Variants in TTLL7 observed in about 807,000 individuals in gnomAD.
TTLL7 encodes the protein tubulin tyrosine ligase like 7.
In TTLL7, 53 loss-of-function variants were observed where a neutral mutation model predicts 120.2. That is an observed-to-expected ratio of 0.44 (90% CI 0.35 to 0.55). TTLL7 has a LOEUF of 0.55. TTLL7 is among the 20% of genes least tolerant of loss of function. The pLI, the probability that TTLL7 is intolerant of heterozygous loss-of-function variation, is 0.00. For missense variants in TTLL7, 803 were observed against 1,054.7 expected, an observed-to-expected ratio of 0.76 and a Z score of 3.31; for synonymous variants, 353 against 351.7, an observed-to-expected ratio of 1.00 and a Z score of -0.04.
intron 1 of TTLL7, among the ~76,000 whole-genome samples, chr1:83,982,029 T>G (rs146256443): frequency 5.3e-5 from 8 of 152,160 alleles, no homozygotes; most frequent in Non-Finnish European, 7.4e-5. Flanking sequence ...AGATGCACCA[T>G]ATCACAGCTC....
chr1:83,982,835 T>C (rs1240156599), intron 1 of TTLL7, among the ~76,000 whole-genome samples: 3 of 152,148 alleles, frequency 2.0e-5, no homozygotes, highest in African/African-American at 4.8e-5. Flanking sequence ...AAAAGAGCCC[T>C]GATAGCCCAA....
rs1042354682 is a variant in TTLL7 at position 83,866,050 on chromosome 1, G to C, written c.*3912C>G. 1.3e-5 allele frequency: 2 copies of C among 151,626 alleles called. No individual in the cohort carries two copies. The highest frequency in any genetic ancestry group is 1.3e-4 in the Admixed American group (2 of 15,228). The allele number at this position is 151,626 out of a possible 1,614,324, so 9.4% of individuals were successfully genotyped here. A position where few individuals can be genotyped will look rare whatever the true frequency, so the allele number is the denominator to read the frequency against. On this transcript the variant is annotated 3_prime_UTR_variant, in exon 21 of 21. Coordinates refer to ENST00000260505, the MANE Select transcript of TTLL7 (RefSeq NM_024686.6). ...TTTTCAAAAAATCATCAGGTCACAA[G>C]AACACAATTAATTGTACAGTTATAC...
At chr1:83,915,558 A>T (rs1264770655) in intron 14 of TTLL7, among the ~76,000 whole-genome samples, 51 of 152,136 alleles carry the variant, frequency 3.4e-4, no homozygotes, top group Non-Finnish European at 6.3e-4. Context: ...AACCTAGGCA[A>T]TACCATTCAG....
chr1:83,904,074 C>T lies in TTLL7; in HGVS notation c.2208+5G>A. 1.2e-6 allele frequency: 2 copies of T among 1,610,046 alleles called. No individual in the cohort carries two copies. The highest frequency in any genetic ancestry group is 1.7e-6 in the Non-Finnish European group (2 of 1,177,470). On this transcript the variant is annotated splice_donor_5th_base_variant and intron_variant, in intron 18 of 20. Transcript: ENST00000260505. ...GGGAAAAAACTTGTTTTGAGCATTA[C>T]TCACTTTTCGTTGTTTTACAGAGTC...
intron 1 of TTLL7, among the ~76,000 whole-genome samples, chr1:83,993,602 T>C (rs557225166): frequency 6.6e-6 from 1 of 152,348 alleles, no homozygotes; most frequent in Admixed American, 6.5e-5. Context: ...TGGTTCAATA[T>C]GCCCAGTGGA....
intron 1 of TTLL7, among the ~76,000 whole-genome samples, chr1:83,994,067 A>T (rs571715949): frequency 6.6e-6 from 1 of 152,242 alleles, no homozygotes; most frequent in African/African-American, 2.4e-5. Context: ...ATAGGTTTCA[A>T]CTAAGCACAG....
At chr1:83,966,057 A>G (rs1010382166) in intron 1 of TTLL7, among the ~76,000 whole-genome samples, 1 of 152,196 alleles carries the variant, frequency 6.6e-6, no homozygotes, top group Non-Finnish European at 1.5e-5. Context: ...TTGTTCAAAT[A>G]CCAGTCTGGA....
At position 83,892,327 on chromosome 1, in the gene TTLL7, T is replaced by C. The variant is rs113672647; in HGVS notation, c.2209-1846A>G. Among the ~76,000 whole-genome samples, 27 of 24,352 alleles carry C rather than the reference T, an allele frequency of 1.1e-3. 1 individual carries two copies. The highest frequency in any genetic ancestry group is 3.8e-3 in the African/African-American group (24 of 6,300). 16.0% of individuals were successfully genotyped at this position (24,352 alleles called of 152,430 possible). On this transcript the variant is annotated intron_variant, in intron 18 of 20. Coordinates refer to ENST00000260505, the MANE Select transcript of TTLL7 (RefSeq NM_024686.6). ...ATATACGAATATATATGAATATATA[T>C]GTATATATGAATATATATACGAATA...
chr1:83,924,090 T>C (rs569151428), intron 10 of TTLL7, among the ~76,000 whole-genome samples: 1 of 152,272 alleles, frequency 6.6e-6, no homozygotes, highest in South Asian at 2.1e-4. Flanking sequence ...TAGTACTCTC[T>C]ATTTGTTAAT....
chr1:83,892,928 GAGAA>G (rs1553129435), intron 18 of TTLL7, among the ~76,000 whole-genome samples: 81 of 102,712 alleles, frequency 7.9e-4, no homozygotes, highest in Non-Finnish European at 8.8e-4. Context: ...GAAAGAAAAA[GAGAA>G]AGAAAGAAAG....
intron 1 of TTLL7, among the ~76,000 whole-genome samples, chr1:83,994,804 T>G (rs1653333640): frequency 6.6e-6 from 1 of 152,054 alleles, no homozygotes. Flanking sequence ...CAAATTAGAG[T>G]GCAAAAGTGA....
At chr1:83,897,268 A>G (rs991022337) in intron 18 of TTLL7, among the ~76,000 whole-genome samples, 1 of 152,068 alleles carries the variant, frequency 6.6e-6, no homozygotes, top group African/African-American at 2.4e-5. Context: ...TGGAATTAAG[A>G]TACTTAAATA....
At chr1:83,884,137 G>GGAGAGA (rs766467166) in intron 19 of TTLL7, among the ~76,000 whole-genome samples, 2 of 148,210 alleles carry the variant, frequency 1.3e-5, no homozygotes, top group Non-Finnish European at 3.0e-5. Flanking sequence ...AGGGAGGGAG[G>GGAGAGA]GAGAGAGAGA....
chr1:83,924,544 G>C (rs146237682), intron 10 of TTLL7, among the ~76,000 whole-genome samples: 1 of 152,240 alleles, frequency 6.6e-6, no homozygotes, highest in Non-Finnish European at 1.5e-5. Flanking sequence ...ACAAAATATA[G>C]TGATGGTTTC....
chr1:83,888,130 T>G (rs2100720618), intron 19 of TTLL7, among the ~76,000 whole-genome samples: 1 of 152,120 alleles, frequency 6.6e-6, no homozygotes, highest in East Asian at 1.9e-4. Flanking sequence ...GTGTTGGAGA[T>G]TATCTATGGA....
rs116254103 is a variant in TTLL7 at position 83,941,316 on chromosome 1, C to G, written c.723+1147G>C. On this transcript the variant is annotated intron_variant, in intron 7 of 20. Coordinates refer to ENST00000260505, the MANE Select transcript of TTLL7 (RefSeq NM_024686.6). ...AGACTGTTGCTTCTGTGAAGTCAAGCACTGTATCTGTCTGGTCATTGTTTT... is the reference window on the plus strand; with the variant it reads ...AGACTGTTGCTTCTGTGAAGTCAAGGACTGTATCTGTCTGGTCATTGTTTT... Among the ~76,000 whole-genome samples, 363 of 152,288 alleles carry G rather than the reference C, an allele frequency of 2.4e-3. 3 individuals are homozygous for G. The highest frequency in any genetic ancestry group is 8.5e-3 in the African/African-American group (353 of 41,582).
intron 17 of TTLL7, among the ~76,000 whole-genome samples, chr1:83,905,658 C>T (rs1410998425): frequency 2.0e-5 from 3 of 151,020 alleles, no homozygotes; most frequent in South Asian, 2.1e-4. Flanking sequence ...ACTGAAGGAA[C>T]GAAAAGGATG....
chr1:83,909,991 T>A (rs1424612242), intron 15 of TTLL7, among the ~76,000 whole-genome samples: 3 of 152,144 alleles, frequency 2.0e-5, no homozygotes, highest in Non-Finnish European at 2.9e-5. Context: ...ACAAACTGTG[T>A]AACAGGTGCT....
intron 9 of TTLL7, among the ~76,000 whole-genome samples, chr1:83,933,155 G>T (rs1659747869): frequency 6.6e-6 from 1 of 151,962 alleles, no homozygotes; most frequent in Non-Finnish European, 1.5e-5. Context: ...TACCACCTGG[G>T]GTATCGAATA....
Sources: gnomAD v4.1 joint callset for allele counts (sites outside exome capture counted in the v4.1 genomes callset) on GRCh38, gnomAD v4.1.1 for gene constraint, MANE v1.5 for transcripts, NCBI Gene and HGNC (gene_info 2026-07-23, HGNC 2026-07-21) for gene names.